RPTOR: variants seen among roughly 807,000 people sequenced by gnomAD.
The protein encoded by RPTOR is regulatory associated protein of MTOR complex 1.
Under a neutral mutation model 169.9 loss-of-function variants are expected in RPTOR, and 21 were observed. That is an observed-to-expected ratio of 0.12 (90% confidence interval 0.09 to 0.18). RPTOR has a LOEUF of 0.18. Among genes scored for constraint, RPTOR ranks in the 10% least tolerant of loss-of-function variants. The probability of loss-of-function intolerance (pLI) is 1.00; values close to 1 mark genes in which losing one functional copy is unlikely to be tolerated. For missense variants in RPTOR, 1,133 were observed against 1,855.9 expected (o/e 0.61, Z 7.16); for synonymous variants, 732 against 753.2 (o/e 0.97, Z 0.46).
At chr17:80,870,522 G>T (rs1008715190) in intron 13 of RPTOR, among the ~76,000 whole-genome samples, 1 of 152,004 alleles carries the variant, frequency 6.6e-6, no homozygotes, top group Non-Finnish European at 1.5e-5. Flanking sequence ...CCTCACACAC[G>T]TACACGCAAA....
In RPTOR at chr17:80,940,601, G is replaced by A. The variant is rs761365473; in HGVS notation, c.3025G>A (p.Gly1009Ser). The change falls in exon 25 of 34, where the codon GGC becomes AGC. Residue 1009 changes from glycine (G) to serine (S), a missense_variant and splice_region_variant. Physicochemically the swap from Gly to Ser is moderately conservative, Grantham distance 56. Coordinates refer to ENST00000306801, the MANE Select transcript of RPTOR (RefSeq NM_020761.3). Reference protein sequence around the residue: ...RRQAQQVIQKGITRLDDQIFL... With the variant: ...RRQAQQVIQKSITRLDDQIFL... ...GCAGGCCCAGCAAGTCATTCAGAAG[G>A]GTAAGGGCACCCGCACAGCCAGCCA... 1.0e-5 allele frequency: 16 copies of A among 1,607,246 alleles called. No individual in the cohort carries two copies. The highest frequency in any genetic ancestry group is 1.1e-5 in the Non-Finnish European group (13 of 1,177,068).
chr17:80,589,325 T>A (rs1351607062), intron 1 of RPTOR, among the ~76,000 whole-genome samples: 2 of 151,962 alleles, frequency 1.3e-5, no homozygotes, highest in African/African-American at 4.8e-5. Context: ...GTTCCGGGGG[T>A]ACTTCTCTCT....
At chr17:80,918,496 G>A (rs76170556) in intron 21 of RPTOR, among the ~76,000 whole-genome samples, 1 of 21,288 alleles carries the variant, frequency 4.7e-5, no homozygotes, top group African/African-American at 1.7e-4. Flanking sequence ...GCACCCTCGC[G>A]GGGGTCATAG....
rs1598426180 is a variant in RPTOR, at chr17:80,959,027, G to T, written c.3478-1051G>T. On this transcript the variant is annotated intron_variant, in intron 29 of 33. Coordinates refer to ENST00000306801, the MANE Select transcript of RPTOR (RefSeq NM_020761.3). The surrounding 1 kb of genome is among the most constrained non-coding windows in gnomAD (Gnocchi z 6.7). ...TCAGGAGGGATGGCTCAGCCCTGCT[G>T]CCGTAGAGGGCGGTGTGGAGCAGGC... 4.6e-5 allele frequency among the ~76,000 whole-genome samples: 7 copies of T among 152,358 alleles called. No homozygotes were observed. In the South Asian group the frequency reaches 1.4e-3, roughly 32 times the overall value.
rs2065637291 is a variant in RPTOR at position 80,651,319 on chromosome 17, C to T, written c.348+7509C>T. On this transcript the variant is annotated intron_variant, in intron 3 of 33. Coordinates refer to ENST00000306801, the MANE Select transcript of RPTOR (RefSeq NM_020761.3). The surrounding 1 kb of genome is among the most constrained non-coding windows in gnomAD (Gnocchi z 4.1). ...AACTAGGAAGAGTTGTAAAATCCTGCTCCAGCCAAATTGGAAAGTGCTGAT... is the reference window on the plus strand; with the variant it reads ...AACTAGGAAGAGTTGTAAAATCCTGTTCCAGCCAAATTGGAAAGTGCTGAT... 6.6e-6 allele frequency among the ~76,000 whole-genome samples: 1 copy of T among 152,194 alleles called. No individual in the cohort carries two copies. The highest frequency in any genetic ancestry group is 6.5e-5 in the Admixed American group (1 of 15,288).
At position 80,845,204 on chromosome 17, in the gene RPTOR, T is replaced by A. The variant is rs1324508939; in HGVS notation, c.1213-1269T>A. 6.6e-6 allele frequency among the ~76,000 whole-genome samples: 1 copy of A among 151,694 alleles called. No individual in the cohort carries two copies. Among genetic ancestry groups the A allele is most frequent in the African/African-American group, 2.4e-5 (1 of 41,290 alleles). On this transcript the variant is annotated intron_variant, in intron 10 of 33. Coordinates refer to ENST00000306801, the MANE Select transcript of RPTOR (RefSeq NM_020761.3). This position sits in a 1 kb window ranked among gnomAD's most constrained non-coding sequence, Gnocchi z 5.4. ...TCCATGGCACCCAGGCGAATCCCCC[T>A]CCACTCTGTGCCTGCACTCACGTGG...
intron 1 of RPTOR, among the ~76,000 whole-genome samples, chr17:80,551,271 G>A (rs1165397072): frequency 6.6e-6 from 1 of 152,066 alleles, no homozygotes; most frequent in Non-Finnish European, 1.5e-5. Context: ...GAGAGACTTG[G>A]AAAAGAAAAA....
chr17:80,637,097 G>A (rs1038341714), intron 2 of RPTOR, among the ~76,000 whole-genome samples: 7 of 152,196 alleles, frequency 4.6e-5, no homozygotes, highest in African/African-American at 1.7e-4. Flanking sequence ...TGGGCAGGGT[G>A]GGGTGGAGCG....
chr17:80,915,179 C>T (rs566947913), intron 21 of RPTOR, among the ~76,000 whole-genome samples: 14 of 149,264 alleles, frequency 9.4e-5, no homozygotes, highest in Middle Eastern at 3.5e-3. Flanking sequence ...GAGCAGACGT[C>T]GGGAAAACCA....
intron 1 of RPTOR, among the ~76,000 whole-genome samples, chr17:80,590,562 C>T (rs920273057): frequency 1.4e-5 from 2 of 147,074 alleles, no homozygotes; most frequent in Non-Finnish European, 3.0e-5. Flanking sequence ...GGTATGCGCA[C>T]ATGCGTGCAC....
chr17:80,679,366 G>A (rs1001171838), intron 3 of RPTOR, among the ~76,000 whole-genome samples: 4 of 152,318 alleles, frequency 2.6e-5, no homozygotes, highest in Non-Finnish European at 4.4e-5. Context: ...GGCACAGGGC[G>A]GGAGGAAAGA....
intron 10 of RPTOR, among the ~76,000 whole-genome samples, chr17:80,838,524 C>T (rs1464173954): frequency 2.6e-5 from 4 of 152,238 alleles, no homozygotes; most frequent in Non-Finnish European, 5.9e-5. Flanking sequence ...CCCTAGGACC[C>T]CCTCGTGGTT....
chr17:80,610,992 G>A (rs1157137998), intron 1 of RPTOR, among the ~76,000 whole-genome samples: 2 of 152,106 alleles, frequency 1.3e-5, no homozygotes, highest in East Asian at 3.8e-4. Flanking sequence ...AAAGTAAAAT[G>A]CTTTTTATTA....
chr17:80,739,032 G>C (rs1007649236), intron 5 of RPTOR, among the ~76,000 whole-genome samples: 1 of 152,012 alleles, frequency 6.6e-6, no homozygotes, highest in Non-Finnish European at 1.5e-5. Flanking sequence ...GTCTGAAATT[G>C]CTTGATATTC....
chr17:80,932,880 A>G (rs1347007098), intron 24 of RPTOR, among the ~76,000 whole-genome samples: 1 of 152,212 alleles, frequency 6.6e-6, no homozygotes, highest in African/African-American at 2.4e-5. Flanking sequence ...CCAAAGATAA[A>G]GAGAAAACCT....
intron 9 of RPTOR, among the ~76,000 whole-genome samples, chr17:80,824,641 A>G (rs1240925612): frequency 6.6e-6 from 1 of 152,190 alleles, no homozygotes; most frequent in African/African-American, 2.4e-5. Context: ...GCCACATCAG[A>G]TCCTGGATCA....
chr17:80,739,108 A>G (rs971024508), intron 5 of RPTOR, among the ~76,000 whole-genome samples: 2 of 152,360 alleles, frequency 1.3e-5, no homozygotes, highest in Non-Finnish European at 2.9e-5. Context: ...AGCAGGACCC[A>G]TCTGCCTGGC....
chr17:80,667,617 G>A (rs958847176), intron 3 of RPTOR, among the ~76,000 whole-genome samples: 3 of 152,102 alleles, frequency 2.0e-5, no homozygotes, highest in East Asian at 1.9e-4. Context: ...TAAGCCCTTC[G>A]CACCCATGAC....
chr17:80,818,435 C>T (rs554734349), intron 7 of RPTOR, among the ~76,000 whole-genome samples: 2 of 152,292 alleles, frequency 1.3e-5, no homozygotes, highest in East Asian at 3.9e-4. Flanking sequence ...TCTGTGGTCC[C>T]CTCGTGATCT....
Sources: gnomAD v4.1 joint callset for allele counts (sites outside exome capture counted in the v4.1 genomes callset) on GRCh38, gnomAD v4.1.1 for gene constraint, Gnocchi (gnomAD v3.1) non-coding constraint, MANE v1.5 for transcripts, NCBI Gene and HGNC (gene_info 2026-07-23, HGNC 2026-07-21) for gene names.